Variants in ZSCAN2 observed in about 807,000 individuals in gnomAD.
ZSCAN2 encodes zinc finger and SCAN domain-containing protein 2.
In ZSCAN2, 26 loss-of-function variants were observed where a neutral mutation model predicts 47.8. The ratio of observed to expected loss-of-function variants is 0.54; its 90% CI spans 0.40 to 0.75. The LOEUF (loss-of-function observed/expected upper bound fraction) is 0.75. Ranked by LOEUF, ZSCAN2 falls within the 30% of genes least tolerant of loss-of-function variation. ZSCAN2 has a pLI of 0.00. For missense variants in ZSCAN2, 732 were observed against 785.4 expected, an observed-to-expected ratio of 0.93 and a Z score of 0.81; for synonymous variants, 305 against 288.7, an observed-to-expected ratio of 1.06 and a Z score of -0.57.
rs201050627 is a variant in ZSCAN2 at position 84,621,685 on chromosome 15, C to T, written c.1490C>T (p.Thr497Met). 30 of 1,614,058 alleles carry T rather than the reference C, an allele frequency of 1.9e-5. No homozygotes were observed. Among genetic ancestry groups the T allele is most frequent in the South Asian group, 8.8e-5 (8 of 91,092 alleles). Residue 497 changes from threonine (T) to methionine (M), a missense_variant, in exon 3 of 3, where the codon ACG becomes ATG. Physicochemically the swap from Thr to Met is moderately conservative, Grantham distance 81. Around this residue, in one of 2 missense-constraint regions of ZSCAN2, gnomAD observed 412 missense variants for 498.0 expected, o/e 0.83. Coordinates refer to ENST00000546148, the MANE Select transcript of ZSCAN2 (RefSeq NM_181877.4). The surrounding 1 kb of genome is among the most constrained non-coding windows in gnomAD (Gnocchi z 5.7). Reference protein sequence around the residue: ...SNLLKHQRIHTGEKPYKCSEC... With the variant: ...SNLLKHQRIHMGEKPYKCSEC... ...CTCCTCAAGCACCAGAGGATCCACACGGGAGAGAAACCCTACAAATGCAGC... is the reference window on the plus strand; with the variant it reads ...CTCCTCAAGCACCAGAGGATCCACATGGGAGAGAAACCCTACAAATGCAGC...
intron 1 of ZSCAN2, among the ~76,000 whole-genome samples, chr15:84,601,410 G>A (rs1433365197): frequency 1.3e-5 from 2 of 152,146 alleles, no homozygotes; most frequent in African/African-American, 4.8e-5. Flanking sequence ...ATCCCGCGCA[G>A]CGTACACGTT....
chr15:84,621,316 A>C lies in ZSCAN2; in HGVS notation c.1121A>C (p.Asn374Thr), dbSNP rs201722572. The C allele has an allele frequency of 3.1e-6, 5 of 1,613,366 alleles. No individual in the cohort carries two copies. The highest frequency in any genetic ancestry group is 3.4e-6 in the Non-Finnish European group (4 of 1,179,888). ...CKECGESFSY[N>T]SNLIRHQRIH... ...GAATGCGGCGAAAGCTTTAGTTACA[A>C]CTCCAATCTAATCAGACACCAGAGA... Residue 374 changes from asparagine to threonine, a missense_variant, in exon 3 of 3, where the codon AAC (asparagine) becomes ACC (threonine). Asn to Thr is a moderately conservative substitution (Grantham distance 65). This residue lies in a region of ZSCAN2 where 412 missense variants were observed against 498.0 expected (regional missense o/e 0.83). Transcript: ENST00000546148. The surrounding 1 kb of genome is among the most constrained non-coding windows in gnomAD (Gnocchi z 5.7).
intron 2 of ZSCAN2, among the ~76,000 whole-genome samples, chr15:84,615,849 C>T (rs1427318375): frequency 6.6e-6 from 1 of 152,068 alleles, no homozygotes; most frequent in Non-Finnish European, 1.5e-5. Context: ...GTTGTCTCAC[C>T]ATCCCTTCTT....
In ZSCAN2 at chr15:84,622,584, A is replaced by G. The variant is rs1257336722; in HGVS notation, c.*544A>G. 1.4e-6 allele frequency: 1 copy of G among 716,708 alleles called. No homozygotes were observed. Among genetic ancestry groups the G allele is most frequent in the Non-Finnish European group, 2.6e-6 (1 of 384,846 alleles). 44.4% of individuals were successfully genotyped at this position (716,708 alleles called of 1,614,324 possible). On this transcript the variant is annotated 3_prime_UTR_variant, in exon 3 of 3. Coordinates refer to ENST00000546148, the MANE Select transcript of ZSCAN2 (RefSeq NM_181877.4). ...TCTTGGGCTTTGATTTCAGGTCAAG[A>G]TGGAGGGGCTTCTCCAGTTCTGAGT...
chr15:84,608,255 C>T (rs557038512), intron 2 of ZSCAN2, among the ~76,000 whole-genome samples: 78 of 152,026 alleles, frequency 5.1e-4, no homozygotes, highest in African/African-American at 1.8e-3. Flanking sequence ...GGTGGCTGGG[C>T]GCAATGGCTC....
At chr15:84,611,943 C>T (rs1024919378) in intron 2 of ZSCAN2, 3 of 152,306 alleles carry the variant, frequency 2.0e-5, no homozygotes, top group Non-Finnish European at 2.9e-5. Context: ...CCAGCTGCCA[C>T]CATCTCCTCT....
In ZSCAN2 at chr15:84,622,316, C is replaced by T. The variant is rs964765966; in HGVS notation, c.*276C>T. On this transcript the variant is annotated 3_prime_UTR_variant, in exon 3 of 3. Transcript: ENST00000546148. Reference sequence around the variant, plus strand: ...ACTTGATTGGCCCCCTCTCATGATTCCTCTGTGCCTCAGTTTCCTCTTTGG... The same window carrying T: ...ACTTGATTGGCCCCCTCTCATGATTTCTCTGTGCCTCAGTTTCCTCTTTGG... 1.6e-5 allele frequency: 9 copies of T among 574,156 alleles called. No individual in the cohort carries two copies. Among genetic ancestry groups the T allele is most frequent in the Non-Finnish European group, 2.8e-5 (9 of 318,156 alleles). 35.6% of individuals were successfully genotyped at this position (574,156 alleles called of 1,614,324 possible). A position where few individuals can be genotyped will look rare whatever the true frequency, so the allele number is the denominator to read the frequency against.
chr15:84,614,813 A>G (rs968339304), intron 2 of ZSCAN2: 1 of 151,024 alleles, frequency 6.6e-6, no homozygotes, highest in African/African-American at 2.4e-5. Flanking sequence ...AAACCAGTTG[A>G]TTTTCTTTCC....
At chr15:84,603,191 C>T (rs1306761564) in intron 1 of ZSCAN2, among the ~76,000 whole-genome samples, 2 of 151,988 alleles carry the variant, frequency 1.3e-5, no homozygotes, top group Admixed American at 6.6e-5. Context: ...ATTAGGTGGT[C>T]ACCGAGTTTG....
At chr15:84,608,515 A>G (rs1323943883) in intron 2 of ZSCAN2, among the ~76,000 whole-genome samples, 1 of 144,664 alleles carries the variant, frequency 6.9e-6, no homozygotes, top group African/African-American at 2.6e-5. Context: ...CCTGGGTGAC[A>G]GCAAGACTCT....
Position 84,603,914 on chromosome 15 carries a change from C to T in ZSCAN2, c.-14C>T, listed in dbSNP as rs915111589. On this transcript the variant is annotated 5_prime_UTR_variant, in exon 2 of 3. Transcript: ENST00000546148. ...CCAAGGCTTGAAGCCTAAGTGATTG[C>T]CCCAGGACTGTGGATGATGGCTGCA... 3 of 1,609,224 alleles carry T rather than the reference C, an allele frequency of 1.9e-6. No homozygotes were observed. The highest frequency in any genetic ancestry group is 1.3e-5 in the African/African-American group (1 of 74,982).
At chr15:84,610,541 T>A (rs1271173009) in intron 2 of ZSCAN2, among the ~76,000 whole-genome samples, 2 of 143,972 alleles carry the variant, frequency 1.4e-5, no homozygotes, top group Non-Finnish European at 3.0e-5. Flanking sequence ...CAGGCTGGAG[T>A]GCAGTGGCGC....
At position 84,606,553 on chromosome 15, in the gene ZSCAN2, C is replaced by T. The variant is rs369199878; in HGVS notation, c.406+2220C>T. ...GCTGTAGCTGTCGTTGCTTCCCTTC[C>T]GGTGGAGGTGACCAGTTTGTAATGA... On this transcript the variant is annotated intron_variant, in intron 2 of 2. Transcript: ENST00000546148. The T allele has an allele frequency of 1.5e-5, 25 of 1,613,812 alleles. 1 individual carries two copies. Among genetic ancestry groups the T allele is most frequent in the Admixed American group, 6.7e-5 (4 of 59,986 alleles).
intron 2 of ZSCAN2, among the ~76,000 whole-genome samples, chr15:84,609,144 A>G (rs907134790): frequency 2.0e-5 from 3 of 152,166 alleles, no homozygotes; most frequent in Non-Finnish European, 2.9e-5. Context: ...ATGACCACAA[A>G]TGAACACATA....
rs149106933 is a variant in ZSCAN2, at chr15:84,612,628, G to A, written c.407-7974G>A. On this transcript the variant is annotated intron_variant, in intron 2 of 2. Transcript: ENST00000546148. ...CCGGCGCCTGTAGTCCCAGCTACTC[G>A]GGAGGCTGAGGCAGGAGAATGGCGT... Among the ~76,000 whole-genome samples, 564 of 152,124 alleles carry A rather than the reference G, an allele frequency of 3.7e-3. 4 individuals are homozygous for A. The highest frequency in any genetic ancestry group is 0.013 in the African/African-American group (535 of 41,494).
chr15:84,618,425 A>G (rs997149085), intron 2 of ZSCAN2, among the ~76,000 whole-genome samples: 104 of 152,322 alleles, frequency 6.8e-4, no homozygotes, highest in African/African-American at 2.3e-3. Flanking sequence ...CTTAAAAAAT[A>G]GAAAAAAGTG....
At chr15:84,613,916 G>A (rs543959800) in intron 2 of ZSCAN2, among the ~76,000 whole-genome samples, 143 of 149,976 alleles carry the variant, frequency 9.5e-4, no homozygotes, top group Non-Finnish European at 1.9e-3. Flanking sequence ...TCCTGAGCTT[G>A]CGATCCGCCC....
At chr15:84,618,598 G>A (rs1188182844) in intron 2 of ZSCAN2, among the ~76,000 whole-genome samples, 1 of 146,342 alleles carries the variant, frequency 6.8e-6, no homozygotes, top group Non-Finnish European at 1.5e-5. Flanking sequence ...TCTTGGCTCT[G>A]TTGCCCAGGC....
intron 2 of ZSCAN2, among the ~76,000 whole-genome samples, chr15:84,607,053 G>T (rs1248548649): frequency 1.3e-5 from 2 of 152,098 alleles, no homozygotes; most frequent in Non-Finnish European, 2.9e-5. Context: ...ATGTTTTTCT[G>T]ACAGGAACCT....
Sources: gnomAD v4.1 joint callset for allele counts (sites outside exome capture counted in the v4.1 genomes callset) on GRCh38, gnomAD v4.1.1 for gene constraint, gnomAD v4.1.1 regional missense constraint, Gnocchi (gnomAD v3.1) non-coding constraint, MANE v1.5 for transcripts, NCBI Gene and HGNC (gene_info 2026-07-23, HGNC 2026-07-21) for gene names.